Variants in NEDD4L observed in about 807,000 individuals in gnomAD.
The protein encoded by NEDD4L is E3 ubiquitin-protein ligase NEDD4-like.
NEDD4L carries 54 observed loss-of-function variants against 148.9 expected under a neutral mutation model. The ratio of observed to expected loss-of-function variants is 0.36; its 90% CI spans 0.29 to 0.45. NEDD4L has a LOEUF of 0.45. Among genes scored for constraint, NEDD4L ranks in the 20% least tolerant of loss-of-function variants. The pLI is 1.00. For synonymous variants in NEDD4L, 433 were observed against 440.7 expected, an observed-to-expected ratio of 0.98 and a Z score of 0.22; for missense variants, 856 against 1,233.8, an observed-to-expected ratio of 0.69 and a Z score of 4.59.
intron 19 of NEDD4L, among the ~76,000 whole-genome samples, chr18:58,357,780 A>C (rs1431337568): frequency 2.0e-5 from 3 of 152,196 alleles, no homozygotes; most frequent in Admixed American, 2.0e-4. Context: ...GGGTGGAAAA[A>C]GAATCAATTC....
intron 5 of NEDD4L, among the ~76,000 whole-genome samples, chr18:58,269,967 C>T (rs1469228248): frequency 1.3e-5 from 2 of 152,194 alleles, no homozygotes; most frequent in Non-Finnish European, 2.9e-5. Context: ...AAAAGAGCTT[C>T]TCTCCTAAAA....
At chr18:58,120,199 G>C (rs548479673) in intron 1 of NEDD4L, among the ~76,000 whole-genome samples, 1 of 152,252 alleles carries the variant, frequency 6.6e-6, no homozygotes, top group Non-Finnish European at 1.5e-5. Flanking sequence ...CCCTGTCGAG[G>C]CCAGACAGCA....
intron 5 of NEDD4L, among the ~76,000 whole-genome samples, chr18:58,311,069 T>C (rs1487514846): frequency 6.6e-6 from 1 of 152,210 alleles, no homozygotes. Context: ...CCCCAGACAG[T>C]TGGTAATAGT....
intron 6 of NEDD4L, among the ~76,000 whole-genome samples, chr18:58,316,718 A>G (rs1279929295): frequency 1.3e-5 from 2 of 152,236 alleles, no homozygotes. Context: ...ATGTGTAGGT[A>G]GGACCTGGAG....
At chr18:58,119,096 C>T (rs1361028243) in intron 1 of NEDD4L, among the ~76,000 whole-genome samples, 1 of 152,172 alleles carries the variant, frequency 6.6e-6, no homozygotes, top group African/African-American at 2.4e-5. Context: ...CTCTTTAATC[C>T]AAGCCAGTCT....
chr18:58,347,929 C>CT (rs2043304221), intron 16 of NEDD4L, among the ~76,000 whole-genome samples: 1 of 151,354 alleles, frequency 6.6e-6, no homozygotes, highest in African/African-American at 2.4e-5. Flanking sequence ...TCACAGTTTA[C>CT]TTTTTTTAAT....
intron 2 of NEDD4L, among the ~76,000 whole-genome samples, chr18:58,224,096 T>C (rs1159861742): frequency 6.6e-6 from 1 of 152,214 alleles, no homozygotes; most frequent in Non-Finnish European, 1.5e-5. Flanking sequence ...TCCAGTGGAC[T>C]CAGTGGAGTT....
chr18:58,308,614 AG>A (rs1033000437), intron 5 of NEDD4L, among the ~76,000 whole-genome samples: 43 of 152,358 alleles, frequency 2.8e-4, no homozygotes, highest in Middle Eastern at 6.8e-3. Context: ...GGTGACCATC[AG>A]GGTGACAGGC....
chr18:58,125,358 GGTGTGT>G (rs34644275), intron 1 of NEDD4L, among the ~76,000 whole-genome samples: 12 of 148,804 alleles, frequency 8.1e-5, no homozygotes, highest in East Asian at 3.9e-4. Flanking sequence ...CCACCAGGAG[GGTGTGT>G]GTGTGTGTGT....
intron 1 of NEDD4L, among the ~76,000 whole-genome samples, chr18:58,157,161 C>T (rs1241300960): frequency 3.5e-5 from 5 of 142,846 alleles, no homozygotes; most frequent in Non-Finnish European, 7.5e-5. Flanking sequence ...GCACTCCAGC[C>T]GGGGCAACAG....
At chr18:58,345,548 C>T (rs111248407) in intron 16 of NEDD4L, among the ~76,000 whole-genome samples, 2,523 of 152,226 alleles carry the variant, frequency 0.017, 37 homozygotes, top group Middle Eastern at 0.045. Context: ...CTTCCCCCAT[C>T]GGCCTGGGCA....
chr18:58,318,506 G>A (rs750273509), intron 6 of NEDD4L, among the ~76,000 whole-genome samples: 3 of 152,212 alleles, frequency 2.0e-5, no homozygotes, highest in Admixed American at 6.5e-5. Flanking sequence ...ACGCTGAGCC[G>A]TGGTTGTACC....
At chr18:58,155,899 T>C (rs1200204685) in intron 1 of NEDD4L, among the ~76,000 whole-genome samples, 10 of 152,186 alleles carry the variant, frequency 6.6e-5, no homozygotes, top group Non-Finnish European at 1.5e-4. Context: ...TACTGTCCTG[T>C]GGTTGAAGCC....
chr18:58,345,923 G>T (rs796977474), intron 16 of NEDD4L, among the ~76,000 whole-genome samples: 163 of 136,004 alleles, frequency 1.2e-3, no homozygotes, highest in African/African-American at 2.5e-3. Context: ...GTTGTTTTTT[G>T]TTTTTTGTTT....
At chr18:58,287,848 C>A (rs2054163003) in intron 5 of NEDD4L, among the ~76,000 whole-genome samples, 2 of 152,076 alleles carry the variant, frequency 1.3e-5, no homozygotes, top group African/African-American at 2.4e-5. Flanking sequence ...GAGCAGAGTC[C>A]ATTTGCTTTT....
At chr18:58,072,419 G>A (rs1404784399) in intron 1 of NEDD4L, among the ~76,000 whole-genome samples, 1 of 151,998 alleles carries the variant, frequency 6.6e-6, no homozygotes, top group East Asian at 1.9e-4. Context: ...ACAAAAACTT[G>A]GTTCACCATA....
chr18:58,150,473 G>T (rs1430650188), intron 1 of NEDD4L, among the ~76,000 whole-genome samples: 1 of 152,228 alleles, frequency 6.6e-6, no homozygotes, highest in African/African-American at 2.4e-5. Context: ...TGATCCGCCT[G>T]CCTTGGCCTC....
Position 58,341,134 on chromosome 18 carries a change from A to C in NEDD4L, c.1222A>C (p.Asn408His). Reference protein sequence around the residue: ...KGRTYYVNHNNRTTTWTRPIM... With the variant: ...KGRTYYVNHNHRTTTWTRPIM... Reference sequence around the variant, plus strand: ...GCGCACATACTATGTCAATCATAACAATCGAACCACAACTTGGACTCGACC... The same window carrying C: ...GCGCACATACTATGTCAATCATAACCATCGAACCACAACTTGGACTCGACC... The change falls in exon 14 of 31, where the codon AAT becomes CAT. Residue 408 changes from asparagine (N) to histidine (H), a missense_variant. Asn to His is a moderately conservative substitution (Grantham distance 68). Transcript: ENST00000400345. The C allele has an allele frequency of 6.2e-7, 1 of 1,612,916 alleles. No homozygotes were observed. The highest frequency in any genetic ancestry group is 8.5e-7 in the Non-Finnish European group (1 of 1,179,546).
intron 2 of NEDD4L, among the ~76,000 whole-genome samples, chr18:58,205,525 G>T (rs950352240): frequency 3.3e-5 from 5 of 151,500 alleles, no homozygotes; most frequent in African/African-American, 1.2e-4. Context: ...TGTGTGGTTG[G>T]CAGGGAGAGA....
Sources: gnomAD v4.1 joint callset for allele counts (sites outside exome capture counted in the v4.1 genomes callset) on GRCh38, gnomAD v4.1.1 for gene constraint, MANE v1.5 for transcripts, NCBI Gene and HGNC (gene_info 2026-07-23, HGNC 2026-07-21) for gene names.